Variants in FAM135B observed in about 807,000 individuals in gnomAD.
The protein encoded by FAM135B is protein FAM135B.
Under a neutral mutation model 127.7 loss-of-function variants are expected in FAM135B, and 43 were observed. The observed-to-expected ratio is 0.34, with a 90% CI of 0.26 to 0.43. The LOEUF is 0.43. Among genes scored for constraint, FAM135B ranks in the 20% least tolerant of loss-of-function variants. FAM135B has a pLI of 1.00. For synonymous variants in FAM135B, 670 were observed against 665.1 expected, an observed-to-expected ratio of 1.01 and a Z score of -0.11; for missense variants, 1,558 against 1,725.6, an observed-to-expected ratio of 0.90 and a Z score of 1.72.
chr8:138,340,279 C>T (rs527981241), intron 2 of FAM135B, among the ~76,000 whole-genome samples: 72 of 152,126 alleles, frequency 4.7e-4, no homozygotes, highest in African/African-American at 1.6e-3. Flanking sequence ...ACAATACGAA[C>T]GATACAAACA....
intron 1 of FAM135B, among the ~76,000 whole-genome samples, chr8:138,429,873 G>C (rs987739470): frequency 2.6e-5 from 4 of 152,106 alleles, no homozygotes; most frequent in African/African-American, 9.7e-5. Context: ...TACCATACTG[G>C]AGAAAGAAAC....
intron 7 of FAM135B, among the ~76,000 whole-genome samples, chr8:138,213,899 G>A (rs563391160): frequency 6.6e-6 from 1 of 152,220 alleles, no homozygotes; most frequent in Non-Finnish European, 1.5e-5. Context: ...CTTGTGGCTG[G>A]AAGTCTGCTC....
intron 1 of FAM135B, among the ~76,000 whole-genome samples, chr8:138,423,739 T>G (rs1834666551): frequency 6.6e-6 from 1 of 152,146 alleles, no homozygotes; most frequent in African/African-American, 2.4e-5. Flanking sequence ...GCAGACAACC[T>G]ATCTGACCAA....
chr8:138,142,819 C>G, intron 16 of FAM135B, 193 bp downstream of exon 16: 1 of 487,790 alleles, frequency 2.1e-6, no homozygotes, highest in Non-Finnish European at 3.7e-6. Context: ...CTCCCTGACA[C>G]AAACTATGGC....
At chr8:138,426,488 T>C (rs566756019) in intron 1 of FAM135B, among the ~76,000 whole-genome samples, 1 of 151,276 alleles carries the variant, frequency 6.6e-6, no homozygotes, top group Admixed American at 6.6e-5. Flanking sequence ...TACTCAACTA[T>C]ATACACATAT....
intron 3 of FAM135B, among the ~76,000 whole-genome samples, chr8:138,271,216 G>T (rs1190987591): frequency 6.6e-6 from 1 of 152,116 alleles, no homozygotes; most frequent in African/African-American, 2.4e-5. Flanking sequence ...TTCAATTTTT[G>T]AAGCATATCA....
At chr8:138,496,032 A>T (rs1587568874) in intron 1 of FAM135B, among the ~76,000 whole-genome samples, 1 of 152,264 alleles carries the variant, frequency 6.6e-6, no homozygotes, top group East Asian at 1.9e-4. Flanking sequence ...CTAGCTCAAA[A>T]TTTTATTTCT....
intron 2 of FAM135B, among the ~76,000 whole-genome samples, chr8:138,312,839 C>T (rs557353049): frequency 2.6e-5 from 4 of 152,244 alleles, no homozygotes; most frequent in African/African-American, 9.6e-5. Context: ...GAAGTGGAGA[C>T]CATGTGGGGA....
At chr8:138,195,910 G>A (rs535541373) in intron 8 of FAM135B, among the ~76,000 whole-genome samples, 6 of 152,270 alleles carry the variant, frequency 3.9e-5, no homozygotes, top group Admixed American at 2.6e-4. Context: ...ATTTGCACAC[G>A]GCTCTGGCAT....
chr8:138,156,443 A>G (rs1042114027), intron 12 of FAM135B, among the ~76,000 whole-genome samples: 18 of 152,290 alleles, frequency 1.2e-4, no homozygotes, highest in Admixed American at 3.3e-4. Context: ...AATAAGTAAG[A>G]TCAGAGCAGA....
chr8:138,367,223 CTTT>C, intron 2 of FAM135B: 1 of 323,752 alleles, frequency 3.1e-6, no homozygotes, highest in Non-Finnish European at 6.1e-6. Flanking sequence ...ATTAACTTTG[CTTT>C]TTGTGTGTCA....
At chr8:138,434,243 G>A (rs990593807) in intron 1 of FAM135B, among the ~76,000 whole-genome samples, 1 of 152,108 alleles carries the variant, frequency 6.6e-6, no homozygotes, top group South Asian at 2.1e-4. Context: ...AAAATCAATT[G>A]CTGTCTAAAT....
At chr8:138,358,269 T>A (rs953928510) in intron 2 of FAM135B, 3 of 152,114 alleles carry the variant, frequency 2.0e-5, no homozygotes, top group Non-Finnish European at 2.9e-5. Context: ...AGCCAAACCA[T>A]ATCAATTAAG....
chr8:138,276,599 C>T lies in FAM135B; in HGVS notation c.158-10757G>A, dbSNP rs975462477. ...CAGAAACAGATCATAGCCTCAGTCC[C>T]TCCAACTCCCTCCAAGTTCTGAGGC... On this transcript the variant is annotated intron_variant, in intron 3 of 19. Coordinates refer to ENST00000395297, the MANE Select transcript of FAM135B (RefSeq NM_015912.4). 3.9e-5 allele frequency among the ~76,000 whole-genome samples: 6 copies of T among 152,206 alleles called. No individual in the cohort carries two copies. The East Asian group carries it at 1.2e-3, about 30-fold the overall frequency.
At chr8:138,497,657 C>T (rs1815449450), upstream of FAM135B, among the ~76,000 whole-genome samples, 1 of 152,164 alleles carries the variant, frequency 6.6e-6, no homozygotes, top group Non-Finnish European at 1.5e-5. Flanking sequence ...TGGCCTTCAA[C>T]CAGCCAGCCG....
intron 5 of FAM135B, among the ~76,000 whole-genome samples, chr8:138,252,096 G>A (rs55685177): frequency 0.25 from 38,623 of 152,070 alleles, 5,877 homozygotes; most frequent in African/African-American, 0.42. Flanking sequence ...ATGGTCCCCT[G>A]GTACCAGAAA....
chr8:138,272,347 T>C (rs1446851817), intron 3 of FAM135B, among the ~76,000 whole-genome samples: 3 of 152,218 alleles, frequency 2.0e-5, no homozygotes, highest in Non-Finnish European at 2.9e-5. Context: ...CCAATGTTTG[T>C]TATAGTTCTA....
intron 2 of FAM135B, among the ~76,000 whole-genome samples, chr8:138,311,313 T>C (rs1826667478): frequency 6.6e-6 from 1 of 152,226 alleles, no homozygotes; most frequent in Non-Finnish European, 1.5e-5. Context: ...TGAGTTTCTA[T>C]CATATTGCAA....
At chr8:138,448,992 A>G (rs1158418935) in intron 1 of FAM135B, among the ~76,000 whole-genome samples, 2 of 152,104 alleles carry the variant, frequency 1.3e-5, no homozygotes, top group African/African-American at 2.4e-5. Context: ...ACATATTTCA[A>G]TCTCTTCCAT....
Sources: gnomAD v4.1 joint callset for allele counts (sites outside exome capture counted in the v4.1 genomes callset) on GRCh38, gnomAD v4.1.1 for gene constraint, MANE v1.5 for transcripts, NCBI Gene and HGNC (gene_info 2026-07-23, HGNC 2026-07-21) for gene names.